The following MYO18B variants were observed in gnomAD, a reference collection of about 807,000 sequenced individuals.
MYO18B encodes the protein unconventional myosin-XVIIIb.
A neutral mutation model predicts 273.0 loss-of-function variants in MYO18B; 204 were observed. The observed-to-expected ratio is 0.75, with a 90% CI of 0.67 to 0.84. The LOEUF (loss-of-function observed/expected upper bound fraction) is 0.84. Among genes scored for constraint, MYO18B ranks in the 40% least tolerant of loss-of-function variants. The pLI, the probability that MYO18B is intolerant of heterozygous loss-of-function variation, is 0.00. For missense variants in MYO18B, 3,212 were observed against 3,287.6 expected, an observed-to-expected ratio of 0.98 and a Z score of 0.56; for synonymous variants, 1,330 against 1,305.7, an observed-to-expected ratio of 1.02 and a Z score of -0.40.
At chr22:26,051,953 T>C in the MYO18B span, among the ~76,000 whole-genome samples, 1 of 152,268 alleles carries the variant, frequency 6.6e-6, no homozygotes, top group Non-Finnish European at 1.5e-5. Flanking sequence ...GAATATACCA[T>C]CATTTTTTAA....
chr22:25,851,599 GAGGGGTGA>G lies in MYO18B; in HGVS notation c.3885+24_3885+31del. 1 of 1,488,836 alleles carries G rather than the reference GAGGGGTGA, an allele frequency of 6.7e-7. No individual in the cohort carries two copies. Among genetic ancestry groups the G allele is most frequent in the South Asian group, 1.2e-5 (1 of 82,936 alleles). The allele number at this position is 1,488,836 out of a possible 1,614,324, so 92.2% of individuals were successfully genotyped here. Reference sequence around the variant, plus strand: ...AGGAAGGTAGGTGGAGCACATGCGAGAGGGGTGAAGGCCCTAGATATGGATATGTTGGT... The same window carrying G: ...AGGAAGGTAGGTGGAGCACATGCGAGAGGCCCTAGATATGGATATGTTGGT... On this transcript the variant is annotated intron_variant, in intron 21 of 43. Transcript: ENST00000335473.
chr22:25,842,672 CAA>C (rs695584), intron 17 of MYO18B, among the ~76,000 whole-genome samples: 66 of 64,540 alleles, frequency 1.0e-3, no homozygotes, highest in Middle Eastern at 7.4e-3. Context: ...AACTCCGTCT[CAA>C]AAAAAAAAAA....
At chr22:26,001,930 G>A (rs1169455653) in intron 40 of MYO18B, among the ~76,000 whole-genome samples, 1 of 152,170 alleles carries the variant, frequency 6.6e-6, no homozygotes, top group Non-Finnish European at 1.5e-5. Flanking sequence ...CCTGAGTGCT[G>A]GATTCAAGTA....
intron 21 of MYO18B, among the ~76,000 whole-genome samples, chr22:25,852,600 C>A (rs1216745662): frequency 6.6e-6 from 1 of 152,186 alleles, no homozygotes; most frequent in Non-Finnish European, 1.5e-5. Context: ...AGCCCTATTT[C>A]ATCTTCATAA....
At chr22:25,958,282 A>G (rs2146665271) in intron 39 of MYO18B, among the ~76,000 whole-genome samples, 1 of 152,146 alleles carries the variant, frequency 6.6e-6, no homozygotes, top group South Asian at 2.1e-4. Flanking sequence ...TTGGGAGGCA[A>G]CCCTCCAACC....
rs1345760218 is a variant in MYO18B at position 25,910,969 on chromosome 22, G to A, written c.5283G>A (p.Leu1761=). The A allele has an allele frequency of 6.3e-7, 1 of 1,599,484 alleles. No individual in the cohort carries two copies. The highest frequency in any genetic ancestry group is 2.3e-5 in the East Asian group (1 of 44,440). Residue 1761 remains leucine (L), a synonymous_variant, in exon 33 of 44, where the codon CTG becomes CTA. Coordinates refer to ENST00000335473, the MANE Select transcript of MYO18B (RefSeq NM_032608.7). ...QKRLHQLEMQ[L]EQEYEEKQMV... is the part of the protein sequence containing the mutation. ...AGCTTCATCAGCTGGAAATGCAGCT[G>A]GAGCAAGAGTATGAAGAGAAGCAGA...
At position 25,826,514 on chromosome 22, in the gene MYO18B, T is replaced by C; in HGVS notation, c.2786+15T>C. On this transcript the variant is annotated intron_variant, in intron 14 of 43. Coordinates refer to ENST00000335473, the MANE Select transcript of MYO18B (RefSeq NM_032608.7). Reference sequence around the variant, plus strand: ...CTCATCAACAGGTAACGGGGCCTTTTCCTAGGCACACAGTTGGCCTCTTGC... The same window carrying C: ...CTCATCAACAGGTAACGGGGCCTTTCCCTAGGCACACAGTTGGCCTCTTGC... The C allele has an allele frequency of 6.2e-7, 1 of 1,608,868 alleles. No homozygotes were observed. The highest frequency in any genetic ancestry group is 1.7e-4 in the Middle Eastern group (1 of 6,028).
chr22:25,978,073 G>A (rs981846871), intron 39 of MYO18B, among the ~76,000 whole-genome samples: 4 of 152,180 alleles, frequency 2.6e-5, no homozygotes, highest in South Asian at 4.1e-4. Flanking sequence ...AGTACTACAC[G>A]AGGTATTTGG....
intron 42 of MYO18B, among the ~76,000 whole-genome samples, chr22:26,024,694 C>T (rs1307627513): frequency 1.3e-5 from 2 of 152,152 alleles, no homozygotes; most frequent in East Asian, 1.9e-4. Flanking sequence ...ATTGCCATGG[C>T]GATCTCACAC....
At chr22:25,913,658 G>A (rs1414529140) in intron 33 of MYO18B, among the ~76,000 whole-genome samples, 5 of 152,174 alleles carry the variant, frequency 3.3e-5, no homozygotes, top group Non-Finnish European at 1.5e-5. Context: ...GTGAGCCATC[G>A]TGCCTGGCCG....
intron 27 of MYO18B, 35 bp from the exon 28 acceptor site, chr22:25,895,121 C>G: frequency 6.2e-7 from 1 of 1,602,076 alleles, no homozygotes; most frequent in Non-Finnish European, 8.5e-7. Context: ...ACTCATTTGG[C>G]CTCTTATCCT....
chr22:25,849,259 A>G (rs1340778023), intron 20 of MYO18B, among the ~76,000 whole-genome samples: 19 of 152,200 alleles, frequency 1.2e-4, no homozygotes. Context: ...CTCTGTTCTC[A>G]GCACAGCCTA....
chr22:25,952,458 G>C, intron 38 of MYO18B, 35 bp downstream of exon 38: 1 of 1,609,698 alleles, frequency 6.2e-7, no homozygotes, highest in Non-Finnish European at 8.5e-7. Context: ...CCTGGGCCAA[G>C]AGCAGGGAGA....
intron 33 of MYO18B, among the ~76,000 whole-genome samples, chr22:25,918,777 A>G (rs373710254): frequency 3.3e-5 from 5 of 152,224 alleles, no homozygotes; most frequent in South Asian, 4.1e-4. Flanking sequence ...AAAAACAGAC[A>G]CAAATATAAG....
At chr22:25,763,747 C>T (rs1472239509) in intron 3 of MYO18B, among the ~76,000 whole-genome samples, 1 of 152,224 alleles carries the variant, frequency 6.6e-6, no homozygotes, top group African/African-American at 2.4e-5. Context: ...TCTTAAGCAG[C>T]CCTCATAGTA....
At chr22:25,982,495 G>C (rs1480417100) in intron 39 of MYO18B, among the ~76,000 whole-genome samples, 1 of 152,208 alleles carries the variant, frequency 6.6e-6, no homozygotes, top group African/African-American at 2.4e-5. Flanking sequence ...CTAGAGATCA[G>C]ATGTCCAAGA....
chr22:25,935,479 C>T (rs2092565042), intron 34 of MYO18B, among the ~76,000 whole-genome samples: 2 of 151,340 alleles, frequency 1.3e-5, no homozygotes, highest in African/African-American at 4.9e-5. Flanking sequence ...CATCTTGGAG[C>T]ACATAGATGA....
intron 33 of MYO18B, among the ~76,000 whole-genome samples, chr22:25,920,067 G>T (rs1034624738): frequency 7.2e-5 from 11 of 152,140 alleles, no homozygotes; most frequent in African/African-American, 2.2e-4. Flanking sequence ...GTGAGCCAGG[G>T]TTTAAAGCCT....
rs796568561 is a variant in MYO18B at position 25,789,099 on chromosome 22, TTCC to T, written c.2376+3632_2376+3634del. Among the ~76,000 whole-genome samples, 35 of 77,090 alleles carry T rather than the reference TTCC, an allele frequency of 4.5e-4. No homozygotes were observed. The East Asian group carries it at 5.4e-3, about 12-fold the overall frequency. 50.6% of individuals were successfully genotyped at this position (77,090 alleles called of 152,430 possible). A position where few individuals can be genotyped will look rare whatever the true frequency, so the allele number is the denominator to read the frequency against. On this transcript the variant is annotated intron_variant, in intron 11 of 43. Coordinates refer to ENST00000335473, the MANE Select transcript of MYO18B (RefSeq NM_032608.7). Reference sequence around the variant, plus strand: ...TCCTTCTTCTTCCTCCTCCTTCTTCTTCCTCCTCCTCCTCCTCCTCCTCCTCTT... The same window carrying T: ...TCCTTCTTCTTCCTCCTCCTTCTTCTTCCTCCTCCTCCTCCTCCTCCTCTT...
Sources: gnomAD v4.1 joint callset for allele counts (sites outside exome capture counted in the v4.1 genomes callset) on GRCh38, gnomAD v4.1.1 for gene constraint, MANE v1.5 for transcripts, NCBI Gene and HGNC (gene_info 2026-07-23, HGNC 2026-07-21) for gene names.